PRMT8: variants seen among roughly 807,000 people sequenced by gnomAD.
PRMT8 encodes protein arginine N-methyltransferase 8.
In PRMT8, 7 loss-of-function variants were observed where a neutral mutation model predicts 47.1. The observed-to-expected ratio is 0.15, with a 90% CI of 0.08 to 0.28. The LOEUF (loss-of-function observed/expected upper bound fraction) is 0.28, where lower values mean the gene tolerates loss of function less well. PRMT8 is among the 10% of genes least tolerant of loss of function. The pLI is 1.00. For missense variants in PRMT8, 237 were observed against 505.4 expected, an observed-to-expected ratio of 0.47 and a Z score of 5.09; for synonymous variants, 188 against 186.5, an observed-to-expected ratio of 1.01 and a Z score of -0.07.
intron 4 of PRMT8, among the ~76,000 whole-genome samples, chr12:3,568,148 A>G (rs992714196): frequency 1.3e-5 from 2 of 152,204 alleles, no homozygotes; most frequent in African/African-American, 4.8e-5. Flanking sequence ...TAATCCAGAG[A>G]AAAGGAAATT....
At chr12:3,433,763 C>T (rs1181711660) in intron 1 of PRMT8, among the ~76,000 whole-genome samples, 2 of 152,152 alleles carry the variant, frequency 1.3e-5, no homozygotes, top group Non-Finnish European at 2.9e-5. Flanking sequence ...AGGTGCATGC[C>T]GCCATGCCCA....
chr12:3,467,050 A>T (rs1419618962), intron 1 of PRMT8, among the ~76,000 whole-genome samples: 1 of 151,938 alleles, frequency 6.6e-6, no homozygotes, highest in Non-Finnish European at 1.5e-5. Flanking sequence ...ATCTTGGCTA[A>T]CACACGGGGA....
At chr12:3,410,142 T>C (rs1455835963) in intron 1 of PRMT8, among the ~76,000 whole-genome samples, 3 of 152,234 alleles carry the variant, frequency 2.0e-5, no homozygotes, top group Non-Finnish European at 4.4e-5. Context: ...GCCAAAATTC[T>C]CTCCTTGAAA....
intron 1 of PRMT8, among the ~76,000 whole-genome samples, chr12:3,480,569 C>A (rs1366043915): frequency 3.3e-5 from 5 of 152,154 alleles, no homozygotes; most frequent in African/African-American, 1.2e-4. Context: ...TTTCTTGACA[C>A]CCACCTTCCC....
rs570591302 is a variant in PRMT8, at chr12:3,521,389, C to T, written c.76-19217C>T. ...AGGAGTACGAGACCAGCCTGGCCAA[C>T]ATGACGAAACCCCGTCTCTACTAAA... On this transcript the variant is annotated intron_variant, in intron 1 of 9. Transcript: ENST00000382622. Among the ~76,000 whole-genome samples, 588 of 152,202 alleles carry T rather than the reference C, an allele frequency of 3.9e-3. 5 individuals are homozygous for T. The highest frequency in any genetic ancestry group is 0.013 in the African/African-American group (555 of 41,520).
At chr12:3,440,332 C>A (rs543015128) in intron 1 of PRMT8, among the ~76,000 whole-genome samples, 1 of 151,974 alleles carries the variant, frequency 6.6e-6, no homozygotes, top group Admixed American at 6.6e-5. Flanking sequence ...CATGGCAGCA[C>A]GCGGCTGTAG....
chr12:3,547,094 A>G (rs1027494371), intron 2 of PRMT8, among the ~76,000 whole-genome samples: 5 of 152,356 alleles, frequency 3.3e-5, no homozygotes, highest in South Asian at 2.1e-4. Context: ...TCTCTCACCA[A>G]GTTAAAAATG....
chr12:3,496,214 A>ATATATATATATATATATT, intron 1 of PRMT8, among the ~76,000 whole-genome samples: 2 of 27,776 alleles, frequency 7.2e-5, no homozygotes, highest in Non-Finnish European at 1.6e-4. Context: ...ATATATATAT[A>ATATATATATATATATATT]TTTTTTTTTT....
At chr12:3,448,982 G>A (rs765838266) in intron 1 of PRMT8, among the ~76,000 whole-genome samples, 35 of 152,132 alleles carry the variant, frequency 2.3e-4, no homozygotes, top group Admixed American at 4.6e-4. Context: ...GTGAGAACAC[G>A]CGGTGTTTGG....
chr12:3,463,751 A>T (rs1487055240), intron 1 of PRMT8, among the ~76,000 whole-genome samples: 1 of 152,182 alleles, frequency 6.6e-6, no homozygotes, highest in Non-Finnish European at 1.5e-5. Context: ...GAGCCACTGC[A>T]CCTGGCCACA....
intron 1 of PRMT8, among the ~76,000 whole-genome samples, chr12:3,454,203 C>CT: frequency 6.6e-6 from 1 of 151,376 alleles, no homozygotes; most frequent in East Asian, 2.0e-4. Context: ...CGCCCTGTGT[C>CT]TTTTGGCTTC....
chr12:3,459,574 A>ATAGTGT, intron 1 of PRMT8, among the ~76,000 whole-genome samples: 1 of 152,280 alleles, frequency 6.6e-6, no homozygotes, highest in East Asian at 1.9e-4. Context: ...TTATGCAAAC[A>ATAGTGT]CTATGCCAAA....
At position 3,538,386 on chromosome 12, in the gene PRMT8, C is replaced by G. The variant is rs1866158800; in HGVS notation, c.76-2220C>G. 1 of 304,978 alleles carries G rather than the reference C, an allele frequency of 3.3e-6. No individual in the cohort carries two copies. Among genetic ancestry groups the G allele is most frequent in the Non-Finnish European group, 6.5e-6 (1 of 152,980 alleles). 18.9% of individuals were successfully genotyped at this position (304,978 alleles called of 1,614,324 possible). ...TCCACAGGACCTGCACGCTGCCTTG[C>G]TGTTGGAGATCTGTGCAGTAGGCAG... On this transcript the variant is annotated intron_variant, in intron 1 of 9. Coordinates refer to ENST00000382622, the MANE Select transcript of PRMT8 (RefSeq NM_019854.5). This position sits in a 1 kb window ranked among gnomAD's most constrained non-coding sequence, Gnocchi z 4.6.
At chr12:3,448,765 T>C (rs1367187472) in intron 1 of PRMT8, among the ~76,000 whole-genome samples, 1 of 152,194 alleles carries the variant, frequency 6.6e-6, no homozygotes, top group Non-Finnish European at 1.5e-5. Flanking sequence ...CCAGGATACA[T>C]GTGTAGGACA....
rs549849054 is a variant in PRMT8 at position 3,563,408 on chromosome 12, G to A, written c.482-5298G>A. 4.6e-5 allele frequency among the ~76,000 whole-genome samples: 7 copies of A among 152,018 alleles called. No individual in the cohort carries two copies. The East Asian group carries it at 7.8e-4, about 17-fold the overall frequency. ...GAGAGGGGTACTATATTGTGGAAGC[G>A]ACCACCCTGAGGCTTCATGACACCG... is the stretch of plus-strand genomic sequence containing the variant. On this transcript the variant is annotated intron_variant, in intron 4 of 9. Coordinates refer to ENST00000382622, the MANE Select transcript of PRMT8 (RefSeq NM_019854.5).
At chr12:3,585,714 C>T (rs74056243) in intron 8 of PRMT8, among the ~76,000 whole-genome samples, 2,466 of 152,158 alleles carry the variant, frequency 0.016, 63 homozygotes, top group African/African-American at 0.056. Flanking sequence ...GTCAGCCAGG[C>T]AGTGCTGGTG....
Position 3,462,619 on chromosome 12 carries a change from T to A in PRMT8, c.49-77987T>A, listed in dbSNP as rs149034703. On this transcript the variant is annotated intron_variant, in intron 1 of 9. Coordinates refer to the PRMT8 transcript ENST00000452611. ...CCTGATGACTTAAAAGGACCCACCT[T>A]CCTCAGATGAAAGCTCTTTACTTTT... The A allele has an allele frequency of 2.6e-4, 40 of 152,118 alleles. No individual in the cohort carries two copies. In the East Asian group the frequency reaches 7.1e-3, roughly 27 times the overall value. The allele number at this position is 152,118 out of a possible 1,614,324, so 9.4% of individuals were successfully genotyped here. A position where few individuals can be genotyped will look rare whatever the true frequency, so the allele number is the denominator to read the frequency against.
intron 1 of PRMT8, among the ~76,000 whole-genome samples, chr12:3,405,038 TAATGTAG>T (rs1454710783): frequency 6.6e-6 from 1 of 152,178 alleles, no homozygotes; most frequent in Non-Finnish European, 1.5e-5. Flanking sequence ...TGCATGCTTC[TAATGTAG>T]ATATACCCGA....
intron 1 of PRMT8, among the ~76,000 whole-genome samples, chr12:3,445,457 G>A (rs948510658): frequency 6.6e-5 from 10 of 152,228 alleles, no homozygotes; most frequent in Admixed American, 4.6e-4. Context: ...CTAATTAAAT[G>A]AGTTAATATT....
Sources: gnomAD v4.1 joint callset for allele counts (sites outside exome capture counted in the v4.1 genomes callset) on GRCh38, gnomAD v4.1.1 for gene constraint, Gnocchi (gnomAD v3.1) non-coding constraint, MANE v1.5 for transcripts, NCBI Gene and HGNC (gene_info 2026-07-23, HGNC 2026-07-21) for gene names.